Variants in RRAS observed in about 807,000 individuals in gnomAD.
RRAS encodes the protein RAS related.
In RRAS, 18 loss-of-function variants were observed where a neutral mutation model predicts 23.3. The observed-to-expected ratio is 0.77, with a 90% CI of 0.53 to 1.15. The LOEUF (loss-of-function observed/expected upper bound fraction) is 1.15. Ranked by LOEUF, RRAS falls within the 50% of genes most tolerant of loss-of-function variation. The probability of loss-of-function intolerance (pLI) is 0.00; values close to 1 mark genes in which losing one functional copy is unlikely to be tolerated. For missense variants in RRAS, 291 were observed against 317.1 expected (o/e 0.92, Z 0.62); for synonymous variants, 133 against 138.3 (o/e 0.96, Z 0.27).
intron 1 of RRAS, among the ~76,000 whole-genome samples, chr19:49,638,147 A>G (rs1217502674): frequency 6.6e-6 from 1 of 151,604 alleles, no homozygotes; most frequent in East Asian, 2.0e-4. Context: ...GTCTCCTCCC[A>G]GGGGAAGGTC....
intron 1 of RRAS, among the ~76,000 whole-genome samples, chr19:49,638,014 C>T (rs1038050119): frequency 6.6e-6 from 1 of 152,270 alleles, no homozygotes; most frequent in East Asian, 1.9e-4. Flanking sequence ...TATCAGTTAT[C>T]GGAGGCGTTG....
chr19:49,635,973 G>C, intron 4 of RRAS, 121 bp from the exon 5 acceptor site: 1 of 545,554 alleles, frequency 1.8e-6, no homozygotes, highest in East Asian at 3.0e-5. Flanking sequence ...ACTCAAAGAG[G>C]AAGAGCTCCT....
In RRAS at chr19:49,636,472, G is replaced by A; in HGVS notation, c.453+147C>T. Reference sequence around the variant, plus strand: ...TGATGCCGGGGACCCTGAAGGTCCAGTTTGGGGGTAACCCATCTAGGTGAG... The same window carrying A: ...TGATGCCGGGGACCCTGAAGGTCCAATTTGGGGGTAACCCATCTAGGTGAG... On this transcript the variant is annotated intron_variant, in intron 4 of 5. Coordinates refer to ENST00000246792, the MANE Select transcript of RRAS (RefSeq NM_006270.5). This position sits in a 1 kb window ranked among gnomAD's most constrained non-coding sequence, Gnocchi z 4.5. 2 of 680,906 alleles carry A rather than the reference G, an allele frequency of 2.9e-6. No homozygotes were observed. The highest frequency in any genetic ancestry group is 5.3e-6 in the Non-Finnish European group (2 of 377,812). The allele number at this position is 680,906 out of a possible 1,614,324, so 42.2% of individuals were successfully genotyped here.
chr19:49,638,430 T>C (rs1460206035), intron 1 of RRAS, among the ~76,000 whole-genome samples: 1 of 152,066 alleles, frequency 6.6e-6, no homozygotes, highest in East Asian at 1.9e-4. Context: ...TAGGATTTCT[T>C]TGAAGCTGGG....
rs979389095 is a variant in RRAS, at chr19:49,636,377, G to C, written c.453+242C>G. On this transcript the variant is annotated intron_variant, in intron 4 of 5. Coordinates refer to ENST00000246792, the MANE Select transcript of RRAS (RefSeq NM_006270.5). The surrounding 1 kb of genome is among the most constrained non-coding windows in gnomAD (Gnocchi z 4.5). ...AGGGGCAAAGAGAGCTGGCGGACGG[G>C]GGGTGAATGTCCTTTGTTCCGTCCA... Among the ~76,000 whole-genome samples the C allele has an allele frequency of 6.6e-6, 1 of 152,104 alleles. No individual in the cohort carries two copies. Among genetic ancestry groups the C allele is most frequent in the Non-Finnish European group, 1.5e-5 (1 of 67,998 alleles).
In RRAS at chr19:49,640,086, C is replaced by G; in HGVS notation, c.13G>C (p.Ala5Pro). The G allele has an allele frequency of 7.2e-7, 1 of 1,397,612 alleles. No homozygotes were observed. Among genetic ancestry groups the G allele is most frequent in the Admixed American group, 3.7e-5 (1 of 27,110 alleles). 86.6% of individuals were successfully genotyped at this position (1,397,612 alleles called of 1,614,324 possible). A position where few individuals can be genotyped will look rare whatever the true frequency, so the allele number is the denominator to read the frequency against. Residue 5 changes from alanine to proline, a missense_variant, in exon 1 of 6, where the codon GCG becomes CCG. Transcript: ENST00000246792. ...CGCCCCCGCCCTGTCCCGGACGCCG[C>G]CCCGCTGCTCATGTCGCCACCGCTG... MSSG[A>P]ASGTGRGRPR...
At chr19:49,638,086 C>T (rs1313480244) in intron 1 of RRAS, among the ~76,000 whole-genome samples, 1 of 151,978 alleles carries the variant, frequency 6.6e-6, no homozygotes, top group Non-Finnish European at 1.5e-5. Flanking sequence ...TCTTCCTCCT[C>T]CCCCGTCTCC....
At chr19:49,637,759 C>T (rs1024361705) in intron 1 of RRAS, among the ~76,000 whole-genome samples, 2 of 134,996 alleles carry the variant, frequency 1.5e-5, no homozygotes, top group African/African-American at 2.7e-5. Context: ...TGCTCCCCTG[C>T]CCCCCTTTCC....
In RRAS at chr19:49,635,894, C is replaced by G. The variant is rs561891633; in HGVS notation, c.454-42G>C. On this transcript the variant is annotated intron_variant, in intron 4 of 5. Coordinates refer to ENST00000246792, the MANE Select transcript of RRAS (RefSeq NM_006270.5). ...CACGGGGGAGTCAGGTCCCTGCACT[C>G]AGGGTGACCGCAGCCAGAGAGACAG... is the stretch of plus-strand genomic sequence containing the variant. 5.7e-5 allele frequency: 61 copies of G among 1,075,846 alleles called. No homozygotes were observed. In the South Asian group the frequency reaches 8.0e-4, roughly 14 times the overall value. The allele number at this position is 1,075,846 out of a possible 1,614,324, so 66.6% of individuals were successfully genotyped here.
Position 49,636,399 on chromosome 19 carries a change from T to A in RRAS, c.453+220A>T, listed in dbSNP as rs1365575594. Among the ~76,000 whole-genome samples, 1 of 152,036 alleles carries A rather than the reference T, an allele frequency of 6.6e-6. No individual in the cohort carries two copies. The highest frequency in any genetic ancestry group is 1.9e-4 in the East Asian group (1 of 5,198). ...CGGGGGGTGAATGTCCTTTGTTCCG[T>A]CCAGCAGCCTCTCCTGAGGACACTT... is the stretch of plus-strand genomic sequence containing the variant. On this transcript the variant is annotated intron_variant, in intron 4 of 5. Coordinates refer to ENST00000246792, the MANE Select transcript of RRAS (RefSeq NM_006270.5). This position sits in a 1 kb window ranked among gnomAD's most constrained non-coding sequence, Gnocchi z 4.5.
Position 49,635,750 on chromosome 19 carries a change from G to C in RRAS, c.556C>G (p.Leu186Val), listed in dbSNP as rs779643393. Residue 186 changes from leucine (L) to valine (V), a missense_variant, in exon 5 of 6, where the codon CTG (leucine) becomes GTG (valine). Leu to Val is a conservative substitution (Grantham distance 32). Coordinates refer to ENST00000246792, the MANE Select transcript of RRAS (RefSeq NM_006270.5). Reference protein sequence around the residue: ...RLNVDEAFEQLVRAVRKYQEQ... With the variant: ...RLNVDEAFEQVVRAVRKYQEQ... Reference sequence around the variant, plus strand: ...TTGGCTCACCGGACAGCCCGCACCAGCTGCTCAAAAGCCTCGTCCACGTTG... The same window carrying C: ...TTGGCTCACCGGACAGCCCGCACCACCTGCTCAAAAGCCTCGTCCACGTTG... 6.3e-7 allele frequency: 1 copy of C among 1,588,170 alleles called. No individual in the cohort carries two copies.
intron 1 of RRAS, among the ~76,000 whole-genome samples, chr19:49,639,577 G>A (rs557654284): frequency 1.3e-5 from 2 of 152,216 alleles, no homozygotes; most frequent in Admixed American, 6.5e-5. Context: ...AGGGCTCAGG[G>A]TGGTGGAAGG....
Position 49,639,986 on chromosome 19 carries a change from C to T in RRAS, c.113G>A (p.Gly38Asp). 1 of 1,588,204 alleles carries T rather than the reference C, an allele frequency of 6.3e-7. No individual in the cohort carries two copies. Among genetic ancestry groups the T allele is most frequent in the Non-Finnish European group, 8.5e-7 (1 of 1,173,760 alleles). Reference sequence around the variant, plus strand: ...GGTCAGCGCGCTCTTGCCCACGCCGCCGCCGCCCACGACCACCAGCTTGTG... The same window carrying T: ...GGTCAGCGCGCTCTTGCCCACGCCGTCGCCGCCCACGACCACCAGCTTGTG... ...ETHKLVVVGG[G>D]GVGKSALTIQ... The change falls in exon 1 of 6, where the codon GGC (glycine) becomes GAC (aspartate). Residue 38 changes from glycine (G) to aspartate (D), a missense_variant. By Grantham distance (94) the Gly-to-Asp change is moderately conservative. Coordinates refer to ENST00000246792, the MANE Select transcript of RRAS (RefSeq NM_006270.5).
chr19:49,636,732 G>T lies in RRAS; in HGVS notation c.345-5C>A. On this transcript the variant is annotated splice_region_variant and splice_polypyrimidine_tract_variant and intron_variant, in intron 3 of 5. Transcript: ENST00000246792. The surrounding 1 kb of genome is among the most constrained non-coding windows in gnomAD (Gnocchi z 4.5). ...AGCTTGCCCACCTCGTTGAAACTGC[G>T]AGTGAAGCCGGAGGCATGAGGTCCA... 6.2e-7 allele frequency: 1 copy of T among 1,613,466 alleles called. No individual in the cohort carries two copies. The highest frequency in any genetic ancestry group is 8.5e-7 in the Non-Finnish European group (1 of 1,179,546).
chr19:49,635,920 A>G (rs1338211187), intron 4 of RRAS, 68 bp from the exon 5 acceptor site: 9 of 801,786 alleles, frequency 1.1e-5, no homozygotes, highest in East Asian at 2.7e-5. Flanking sequence ...AGAGAGACAG[A>G]CAGGCAGGCT....
At chr19:49,637,284 C>T (rs563953054) in intron 1 of RRAS, among the ~76,000 whole-genome samples, 154 bp from the exon 2 acceptor site, 10 of 148,550 alleles carry the variant, frequency 6.7e-5, no homozygotes, top group African/African-American at 9.9e-5. Flanking sequence ...GTCTCTGTCC[C>T]GTCTGTCTCT....
At position 49,635,743 on chromosome 19, in the gene RRAS, C is replaced by G. The variant is rs374621936; in HGVS notation, c.563G>C (p.Arg188Pro). The G allele has an allele frequency of 4.4e-6, 7 of 1,584,582 alleles. 1 individual carries two copies. The South Asian group carries it at 6.7e-5, about 15-fold the overall frequency. The change falls in exon 5 of 6, where the codon CGG (arginine) becomes CCG (proline). Residue 188 changes from arginine (R) to proline (P), a missense_variant. Transcript: ENST00000246792. ...NVDEAFEQLVRAVRKYQEQEL... is the reference protein window; with the variant it reads ...NVDEAFEQLVPAVRKYQEQEL... The stretch of plus-strand genomic sequence containing the variant: ...AGGGGACTTGGCTCACCGGACAGCC[C>G]GCACCAGCTGCTCAAAAGCCTCGTC...
chr19:49,637,975 C>A (rs1255268694), intron 1 of RRAS, among the ~76,000 whole-genome samples: 1 of 152,172 alleles, frequency 6.6e-6, no homozygotes, highest in Non-Finnish European at 1.5e-5. Context: ...TGGCAAGATT[C>A]GGAGCAAAAC....
Position 49,635,852 on chromosome 19 carries a change from C to T in RRAS, c.454G>A (p.Val152Ile), listed in dbSNP as rs777784351. The change falls in exon 5 of 6, where the codon GTC (valine) becomes ATC (isoleucine). Residue 152 changes from valine to isoleucine, a missense_variant and splice_region_variant. By Grantham distance (29) the Val-to-Ile change is conservative (BLOSUM62 3). Transcript: ENST00000246792. ...NKADLESQRQ[V>I]PRSEASAFGA... is the part of the protein sequence containing the mutation. ...AAGGCAGAGGCTTCTGATCGGGGGA[C>T]CTGGGGGTAGGGGGGACACGGGGGA... The T allele has an allele frequency of 1.6e-5, 23 of 1,460,768 alleles. No individual in the cohort carries two copies. Among genetic ancestry groups the T allele is most frequent in the East Asian group, 7.2e-5 (3 of 41,418 alleles). 90.5% of individuals were successfully genotyped at this position (1,460,768 alleles called of 1,614,324 possible).
Sources: allele counts gnomAD v4.1 joint callset (sites outside exome capture counted in the v4.1 genomes callset), GRCh38; gene constraint gnomAD v4.1.1; non-coding constraint Gnocchi (gnomAD v3.1); transcripts MANE v1.5; gene names NCBI Gene and HGNC (gene_info 2026-07-23, HGNC 2026-07-21).